Variants in KAT2B observed in about 807,000 individuals in gnomAD.
KAT2B encodes lysine acetyltransferase 2B.
In KAT2B, 36 loss-of-function variants were observed where a neutral mutation model predicts 105.9. The observed-to-expected ratio is 0.34, with a 90% confidence interval of 0.26 to 0.45. The LOEUF (loss-of-function observed/expected upper bound fraction) is 0.45. Ranked by LOEUF, KAT2B falls within the 20% of genes least tolerant of loss-of-function variation. KAT2B has a pLI of 1.00. For synonymous variants in KAT2B, 397 were observed against 377.9 expected, an observed-to-expected ratio of 1.05 and a Z score of -0.59; for missense variants, 820 against 1,021.6, an observed-to-expected ratio of 0.80 and a Z score of 2.69.
At chr3:20,113,122 C>T (rs191272673) in intron 6 of KAT2B, among the ~76,000 whole-genome samples, 5 of 152,288 alleles carry the variant, frequency 3.3e-5, no homozygotes, top group Admixed American at 3.3e-4. Context: ...GAGGGAGATT[C>T]TGAAGCACTT....
At chr3:20,127,304 A>G (rs1699423238) in intron 10 of KAT2B, 119 bp from the exon 11 acceptor site, 1 of 893,192 alleles carries the variant, frequency 1.1e-6, no homozygotes, top group African/African-American at 1.7e-5. Flanking sequence ...ACATGAAGGA[A>G]GTTTCTATAG....
chr3:20,140,239 A>T lies in KAT2B; in HGVS notation c.1879A>T (p.Lys627Ter). The T allele has an allele frequency of 6.2e-7, 1 of 1,606,930 alleles. No individual in the cohort carries two copies. Among genetic ancestry groups the T allele is most frequent in the Non-Finnish European group, 8.5e-7 (1 of 1,173,582 alleles). Residue 627 changes from lysine (K) to a stop codon, truncating the protein, a stop_gained, in exon 13 of 18, where the codon AAA becomes TAA. Transcript: ENST00000263754. LOFTEE classifies it high-confidence loss of function. ...TTTTCAGGGTTTCTCCAAAGAAATT[A>T]AAATACCTAAAACCAAATATGTTGG... is the stretch of plus-strand genomic sequence containing the variant. Reference protein sequence around the residue: ...FKKQGFSKEIKIPKTKYVGYI... With the variant: ...FKKQGFSKEI
intron 1 of KAT2B, among the ~76,000 whole-genome samples, chr3:20,049,987 C>T (rs1214850692): frequency 2.0e-5 from 3 of 152,124 alleles, no homozygotes; most frequent in Non-Finnish European, 4.4e-5. Context: ...ATCGCTTGAG[C>T]TCAGGAGTTC....
chr3:20,113,234 T>C (rs1328171429), intron 6 of KAT2B, among the ~76,000 whole-genome samples: 1 of 152,234 alleles, frequency 6.6e-6, no homozygotes, highest in African/African-American at 2.4e-5. Flanking sequence ...TCCTTAGAGA[T>C]TGAAGCAGTT....
At position 20,148,500 on chromosome 3, in the gene KAT2B, A is replaced by G; in HGVS notation, c.2305+13A>G. 6.5e-7 allele frequency: 1 copy of G among 1,541,320 alleles called. No homozygotes were observed. The highest frequency in any genetic ancestry group is 8.8e-7 in the Non-Finnish European group (1 of 1,140,134). The stretch of plus-strand genomic sequence containing the variant: ...AGGTTCCCCATGGGTAATACCATTA[A>G]CATTTTCTAAGTATAGATTTAAAAC... On this transcript the variant is annotated intron_variant, in intron 17 of 17. Transcript: ENST00000263754.
At chr3:20,064,571 C>T (rs1237524288) in intron 1 of KAT2B, among the ~76,000 whole-genome samples, 2 of 152,106 alleles carry the variant, frequency 1.3e-5, no homozygotes, top group African/African-American at 4.8e-5. Flanking sequence ...AGAGTGAGTC[C>T]TTCCTCTCTC....
At chr3:20,144,956 C>T (rs1032912221) in intron 13 of KAT2B, among the ~76,000 whole-genome samples, 1 of 152,002 alleles carries the variant, frequency 6.6e-6, no homozygotes, top group Non-Finnish European at 1.5e-5. Context: ...CTACCATGCC[C>T]AGCCCATTTT....
intron 6 of KAT2B, among the ~76,000 whole-genome samples, chr3:20,113,811 C>CT (rs3840184): frequency 1.3e-5 from 2 of 151,978 alleles, no homozygotes; most frequent in East Asian, 3.9e-4. Context: ...TATGTGCTGC[C>CT]TTTTTTTCCA....
chr3:20,078,799 TTC>T (rs1233080939), intron 2 of KAT2B, among the ~76,000 whole-genome samples: 6 of 151,850 alleles, frequency 4.0e-5, no homozygotes, highest in African/African-American at 1.4e-4. Flanking sequence ...GGAATTTCTT[TTC>T]TGTTAACTTT....
chr3:20,044,423 A>AT (rs1167532277), intron 1 of KAT2B, among the ~76,000 whole-genome samples: 1 of 152,076 alleles, frequency 6.6e-6, no homozygotes, highest in Non-Finnish European at 1.5e-5. Context: ...CCTAAAAAAA[A>AT]AAATAAATAA....
intron 5 of KAT2B, among the ~76,000 whole-genome samples, chr3:20,103,318 G>T (rs141557825): frequency 6.6e-6 from 1 of 152,292 alleles, no homozygotes; most frequent in East Asian, 1.9e-4. Flanking sequence ...ATGCATTTGC[G>T]ACTTTTAGCA....
chr3:20,077,692 A>G (rs1168897163), intron 2 of KAT2B, among the ~76,000 whole-genome samples: 1 of 152,188 alleles, frequency 6.6e-6, no homozygotes, highest in Non-Finnish European at 1.5e-5. Flanking sequence ...ATCACATTGT[A>G]TTTCTATTGA....
chr3:20,101,578 C>G, intron 5 of KAT2B, 110 bp downstream of exon 5: 1 of 773,224 alleles, frequency 1.3e-6, no homozygotes, highest in Non-Finnish European at 2.1e-6. Context: ...ATGACTCCAT[C>G]AATTCAGAGA....
chr3:20,137,541 C>CTT (rs200097819), intron 12 of KAT2B: 3,269 of 148,920 alleles, frequency 0.022, 34 homozygotes, highest in South Asian at 0.05. Flanking sequence ...TCCTCCCTTC[C>CTT]TTTTTTTTTT....
intron 1 of KAT2B, among the ~76,000 whole-genome samples, chr3:20,061,961 C>T (rs1414199221): frequency 1.0e-5 from 1 of 99,292 alleles, no homozygotes; most frequent in Admixed American, 1.4e-4. Flanking sequence ...ATATATAAAA[C>T]ATAATATATA....
At chr3:20,121,730 A>ATGTGTGTGTG (rs1491153005) in intron 8 of KAT2B, among the ~76,000 whole-genome samples, 3 of 92,502 alleles carry the variant, frequency 3.2e-5, no homozygotes, top group African/African-American at 7.4e-5. Context: ...ACACATATGC[A>ATGTGTGTGTG]TATGTGTGTG....
intron 1 of KAT2B, among the ~76,000 whole-genome samples, chr3:20,068,508 C>G (rs1008357423): frequency 6.6e-5 from 10 of 151,486 alleles, no homozygotes; most frequent in Non-Finnish European, 2.9e-5. Context: ...TTTATCCCAC[C>G]CTCTGCTAAG....
At chr3:20,138,451 C>T (rs78994263) in intron 12 of KAT2B, among the ~76,000 whole-genome samples, 12,600 of 151,982 alleles carry the variant, frequency 0.083, 579 homozygotes, top group East Asian at 0.21. Context: ...TGTTTGTGTA[C>T]ATGTTTTGCC....
At chr3:20,080,553 C>A (rs995479366) in intron 2 of KAT2B, among the ~76,000 whole-genome samples, 1 of 152,124 alleles carries the variant, frequency 6.6e-6, no homozygotes, top group Non-Finnish European at 1.5e-5. Context: ...ATATTTAGTT[C>A]GTTGTGCATA....
Sources: gnomAD v4.1 joint callset for allele counts (sites outside exome capture counted in the v4.1 genomes callset) on GRCh38, gnomAD v4.1.1 for gene constraint, MANE v1.5 for transcripts, NCBI Gene and HGNC (gene_info 2026-07-23, HGNC 2026-07-21) for gene names.